ODAD4: variants seen among roughly 807,000 people sequenced by gnomAD.
The protein encoded by ODAD4 is outer dynein arm docking complex subunit 4, also known as outer dynein arm-docking complex subunit 4.
ODAD4 carries 49 observed loss-of-function variants against 51.8 expected under a neutral mutation model. That is an observed-to-expected ratio of 0.95 (90% confidence interval 0.75 to 1.20). The LOEUF (loss-of-function observed/expected upper bound fraction) is 1.20, where lower values mean the gene tolerates loss of function less well. Ranked by LOEUF, ODAD4 falls within the 50% of genes most tolerant of loss-of-function variation. The pLI, the probability that ODAD4 is intolerant of heterozygous loss-of-function variation, is 0.00. For synonymous variants in ODAD4, 235 were observed against 221.3 expected (o/e 1.06, Z -0.55); for missense variants, 590 against 586.5 (o/e 1.01, Z -0.06).
intron 2 of ODAD4, 120 bp from the exon 3 acceptor site, chr17:41,935,479 C>A: frequency 6.6e-7 from 1 of 1,506,784 alleles, no homozygotes; most frequent in South Asian, 1.3e-5. Context: ...AGGTCATTGC[C>A]TAAGTCCCTG....
chr17:41,938,977 G>T lies in ODAD4; in HGVS notation c.863G>T (p.Gly288Val). The T allele has an allele frequency of 1.2e-6, 2 of 1,609,930 alleles. No individual in the cohort carries two copies. Among genetic ancestry groups the T allele is most frequent in the Non-Finnish European group, 1.7e-6 (2 of 1,178,008 alleles). ...LEDIDMLLTSGSAEGSLQKAE... is the reference protein window; with the variant it reads ...LEDIDMLLTSVSAEGSLQKAE... Reference sequence around the variant, plus strand: ...TTTCCTTTCTCAGTGCTCACAAGTGGCAGTGCTGAAGGGAGTCTTCAGAAA... The same window carrying T: ...TTTCCTTTCTCAGTGCTCACAAGTGTCAGTGCTGAAGGGAGTCTTCAGAAA... The change falls in exon 7 of 12, where the codon GGC (glycine) becomes GTC (valine). Residue 288 changes from glycine to valine, a missense_variant. This residue lies in a region of ODAD4 where 360 missense variants were observed against 407.5 expected (regional missense o/e 0.88). Coordinates refer to ENST00000377540, the MANE Select transcript of ODAD4 (RefSeq NM_031421.5).
intron 1 of ODAD4, 129 bp from the exon 2 acceptor site, chr17:41,935,088 T>G (rs1598069695): frequency 8.9e-7 from 1 of 1,123,834 alleles, no homozygotes; most frequent in African/African-American, 1.6e-5. Flanking sequence ...TCCCCTTGAT[T>G]CTTCAGAGCC....
Position 41,930,762 on chromosome 17 carries a change from T to C in ODAD4, c.39T>C (p.Phe13=). ...AAGGCGAGACCTTGCGAAGCACCTT[T>C]CCCTCTTATATGGCCGAAGGCGAGC... is the stretch of plus-strand genomic sequence containing the variant. ...DPEGETLRST[F]PSYMAEGERL... Residue 13 remains phenylalanine (F), a synonymous_variant, in exon 1 of 12, where the codon TTT becomes TTC. Coordinates refer to ENST00000377540, the MANE Select transcript of ODAD4 (RefSeq NM_031421.5). 6.2e-7 allele frequency: 1 copy of C among 1,611,270 alleles called. No homozygotes were observed. Among genetic ancestry groups the C allele is most frequent in the East Asian group, 2.2e-5 (1 of 44,828 alleles).
intron 7 of ODAD4, among the ~76,000 whole-genome samples, chr17:41,944,444 A>ACACCCCC (rs1191101800): frequency 5.1e-4 from 10 of 19,562 alleles, no homozygotes; most frequent in Non-Finnish European, 8.5e-4. Flanking sequence ...ACACACACAC[A>ACACCCCC]CCCCCCCGCA....
At chr17:41,956,858 C>T (rs782560319) in intron 10 of ODAD4, among the ~76,000 whole-genome samples, 16 of 152,026 alleles carry the variant, frequency 1.1e-4, no homozygotes, top group Non-Finnish European at 2.1e-4. Context: ...GCTGGGATTA[C>T]AGGCATGGGC....
intron 9 of ODAD4, among the ~76,000 whole-genome samples, chr17:41,953,372 A>T (rs1459897446): frequency 2.1e-5 from 2 of 97,300 alleles, no homozygotes; most frequent in African/African-American, 5.9e-5. Flanking sequence ...ATGACCTTTT[A>T]AAGTCTGACT....
rs2050877046 is a variant in ODAD4, at chr17:41,965,834, GTGAC to G, written c.*359_*362del. On this transcript the variant is annotated 3_prime_UTR_variant, in exon 12 of 12. Transcript: ENST00000377540. ...GAGGAGAGGTGCTTCCCACACACCG[GTGAC>G]TGACTGAGTCCCTCCAGTGCGCAGG... is the stretch of plus-strand genomic sequence containing the variant. Among the ~76,000 whole-genome samples, 2 of 152,270 alleles carry G rather than the reference GTGAC, an allele frequency of 1.3e-5. No individual in the cohort carries two copies. The highest frequency in any genetic ancestry group is 2.1e-4 in the South Asian group (1 of 4,826).
At position 41,938,977 on chromosome 17, in the gene ODAD4, G is replaced by A. The variant is rs782547626; in HGVS notation, c.863G>A (p.Gly288Asp). 5 of 1,609,930 alleles carry A rather than the reference G, an allele frequency of 3.1e-6. No homozygotes were observed. Among genetic ancestry groups the A allele is most frequent in the Non-Finnish European group, 4.2e-6 (5 of 1,178,008 alleles). ...TTTCCTTTCTCAGTGCTCACAAGTG[G>A]CAGTGCTGAAGGGAGTCTTCAGAAA... ...LEDIDMLLTS[G>D]SAEGSLQKAE... Residue 288 changes from glycine to aspartate, a missense_variant, in exon 7 of 12, where the codon GGC (glycine) becomes GAC (aspartate). By Grantham distance (94) the Gly-to-Asp change is moderately conservative. This residue lies in a region of ODAD4 where 360 missense variants were observed against 407.5 expected (regional missense o/e 0.88). Transcript: ENST00000377540.
intron 10 of ODAD4, among the ~76,000 whole-genome samples, chr17:41,959,683 T>TG (rs1393986765): frequency 1.3e-5 from 2 of 151,640 alleles, no homozygotes; most frequent in South Asian, 4.2e-4. Flanking sequence ...GTCCCAGAGC[T>TG]GGGGGGTTCC....
chr17:41,960,560 G>A (rs1252998730), intron 10 of ODAD4, among the ~76,000 whole-genome samples: 1 of 152,250 alleles, frequency 6.6e-6, no homozygotes, highest in South Asian at 2.1e-4. Flanking sequence ...GGGAGGCAGA[G>A]CTGGAGGCTT....
Position 41,965,659 on chromosome 17 carries a change from T to A in ODAD4, c.*176T>A. 1 of 575,162 alleles carries A rather than the reference T, an allele frequency of 1.7e-6. No individual in the cohort carries two copies. The highest frequency in any genetic ancestry group is 3.1e-6 in the Non-Finnish European group (1 of 326,838). The allele number at this position is 575,162 out of a possible 1,614,324, so 35.6% of individuals were successfully genotyped here. On this transcript the variant is annotated 3_prime_UTR_variant, in exon 12 of 12. Coordinates refer to ENST00000377540, the MANE Select transcript of ODAD4 (RefSeq NM_031421.5). ...GTCTTTCACTCTTGCAAACCCTGAG[T>A]CTGTCACTTTGCCTCTTCACCCCTG...
intron 5 of ODAD4, 115 bp from the exon 6 acceptor site, chr17:41,938,442 A>G (rs782307957): frequency 2.4e-6 from 2 of 827,604 alleles, no homozygotes; most frequent in East Asian, 2.5e-5. Context: ...TGTTTCAACA[A>G]CTCCAAGCAG....
chr17:41,948,456 C>T (rs1168117960), intron 8 of ODAD4, among the ~76,000 whole-genome samples: 6 of 151,818 alleles, frequency 4.0e-5, no homozygotes, highest in African/African-American at 1.2e-4. Context: ...AGCTGGGCTA[C>T]AGGCGCACAC....
At chr17:41,964,768 G>C (rs113583076) in intron 11 of ODAD4, among the ~76,000 whole-genome samples, 1 of 151,532 alleles carries the variant, frequency 6.6e-6, no homozygotes, top group Non-Finnish European at 1.5e-5. Flanking sequence ...CTCAGCCTCC[G>C]GGTAGCTGGG....
chr17:41,965,679 C>T lies in ODAD4; in HGVS notation c.*196C>T. Reference sequence around the variant, plus strand: ...CTGAGTCTGTCACTTTGCCTCTTCACCCCTGCCCATTCTTGGAAGAGCATC... The same window carrying T: ...CTGAGTCTGTCACTTTGCCTCTTCATCCCTGCCCATTCTTGGAAGAGCATC... On this transcript the variant is annotated 3_prime_UTR_variant, in exon 12 of 12. Coordinates refer to ENST00000377540, the MANE Select transcript of ODAD4 (RefSeq NM_031421.5). 1 of 545,946 alleles carries T rather than the reference C, an allele frequency of 1.8e-6. No individual in the cohort carries two copies. The highest frequency in any genetic ancestry group is 3.2e-6 in the Non-Finnish European group (1 of 310,550). 33.8% of individuals were successfully genotyped at this position (545,946 alleles called of 1,614,324 possible).
chr17:41,935,092 C>T, intron 1 of ODAD4, 125 bp from the exon 2 acceptor site: 1 of 1,165,842 alleles, frequency 8.6e-7, no homozygotes, highest in Non-Finnish European at 1.2e-6. Flanking sequence ...CTTGATTCTT[C>T]AGAGCCTTGA....
At chr17:41,935,523 G>C in intron 2 of ODAD4, 76 bp from the exon 3 acceptor site, 1 of 1,545,790 alleles carries the variant, frequency 6.5e-7, no homozygotes, top group Non-Finnish European at 8.8e-7. Context: ...TTCAACCCAG[G>C]ACCCTTCTGT....
At chr17:41,951,550 C>T (rs1555640132) in intron 9 of ODAD4, among the ~76,000 whole-genome samples, 1 of 101,444 alleles carries the variant, frequency 9.9e-6, no homozygotes, top group East Asian at 2.8e-4. Flanking sequence ...AGTGGTTTTC[C>T]TGTCACATTG....
At chr17:41,964,725 C>A (rs2050851857) in intron 11 of ODAD4, among the ~76,000 whole-genome samples, 1 of 152,100 alleles carries the variant, frequency 6.6e-6, no homozygotes, top group Admixed American at 6.6e-5. Context: ...CTCATCACAG[C>A]CCCAACCTCC....
Sources: gnomAD v4.1 joint callset for allele counts (sites outside exome capture counted in the v4.1 genomes callset) on GRCh38, gnomAD v4.1.1 for gene constraint, gnomAD v4.1.1 regional missense constraint, MANE v1.5 for transcripts, NCBI Gene and HGNC (gene_info 2026-07-23, HGNC 2026-07-21) for gene names.